SGPP2: variants seen among roughly 807,000 people sequenced by gnomAD.
SGPP2 encodes sphingosine-1-phosphate phosphatase 2.
Under a neutral mutation model 33.9 loss-of-function variants are expected in SGPP2, and 30 were observed. That is an observed-to-expected ratio of 0.89 (90% confidence interval 0.66 to 1.20). The LOEUF (loss-of-function observed/expected upper bound fraction) is 1.20. Among genes scored for constraint, SGPP2 ranks in the 50% most tolerant of loss-of-function variants. SGPP2 has a pLI of 0.00. For synonymous variants in SGPP2, 233 were observed against 225.0 expected (o/e 1.04, Z -0.32); for missense variants, 458 against 532.1 (o/e 0.86, Z 1.37).
intron 1 of SGPP2, among the ~76,000 whole-genome samples, chr2:222,433,789 A>T (rs1477392367): frequency 6.6e-6 from 1 of 152,106 alleles, no homozygotes; most frequent in Non-Finnish European, 1.5e-5. Flanking sequence ...CTTTCTTCTG[A>T]TGGATGCCAT....
chr2:222,450,603 G>A, intron 1 of SGPP2, among the ~76,000 whole-genome samples: 1 of 152,194 alleles, frequency 6.6e-6, no homozygotes. Flanking sequence ...ATTCAGGTGT[G>A]AATCGAATTG....
At chr2:222,440,881 G>A (rs890925564) in intron 1 of SGPP2, among the ~76,000 whole-genome samples, 2 of 51,254 alleles carry the variant, frequency 3.9e-5, no homozygotes, top group African/African-American at 8.3e-5. Context: ...TTTAACCATG[G>A]AACATCTTAA....
chr2:222,490,612 T>C (rs1042316905), intron 2 of SGPP2, among the ~76,000 whole-genome samples: 2 of 82,118 alleles, frequency 2.4e-5, no homozygotes, highest in African/African-American at 5.7e-5. Context: ...TAATTTTTTT[T>C]TTTTTTTTTT....
intron 1 of SGPP2, among the ~76,000 whole-genome samples, chr2:222,445,925 G>A (rs752414293): frequency 6.6e-6 from 1 of 152,198 alleles, no homozygotes; most frequent in African/African-American, 2.4e-5. Flanking sequence ...AAAGGGTTCA[G>A]ATTGTCAGAA....
At chr2:222,444,392 T>C (rs938094915) in intron 1 of SGPP2, among the ~76,000 whole-genome samples, 3 of 152,240 alleles carry the variant, frequency 2.0e-5, no homozygotes, top group Non-Finnish European at 2.9e-5. Flanking sequence ...CAGGTTCTGC[T>C]TCTTTTCATC....
At chr2:222,541,405 A>G (rs1222012620) in intron 4 of SGPP2, among the ~76,000 whole-genome samples, 1 of 152,166 alleles carries the variant, frequency 6.6e-6, no homozygotes, top group East Asian at 1.9e-4. Flanking sequence ...CAGCATAGCC[A>G]GGGAAGGAGA....
chr2:222,435,719 G>A (rs2106061187), intron 1 of SGPP2, among the ~76,000 whole-genome samples: 1 of 152,248 alleles, frequency 6.6e-6, no homozygotes, highest in Non-Finnish European at 1.5e-5. Flanking sequence ...TAAAATGAAG[G>A]TATTTTCTTA....
At chr2:222,524,112 G>A (rs955236265) in intron 3 of SGPP2, among the ~76,000 whole-genome samples, 4 of 152,270 alleles carry the variant, frequency 2.6e-5, no homozygotes, top group African/African-American at 9.6e-5. Flanking sequence ...TTATGATAAA[G>A]TTTATTAATA....
At chr2:222,526,002 G>A (rs965753240) in intron 4 of SGPP2, among the ~76,000 whole-genome samples, 2 of 152,144 alleles carry the variant, frequency 1.3e-5, no homozygotes, top group African/African-American at 4.8e-5. Flanking sequence ...GGGGGTTTAT[G>A]GCTTCCCAAG....
At chr2:222,541,071 C>G (rs1036576667) in intron 4 of SGPP2, among the ~76,000 whole-genome samples, 3 of 152,188 alleles carry the variant, frequency 2.0e-5, no homozygotes, top group Non-Finnish European at 4.4e-5. Flanking sequence ...CCCGCCTCAG[C>G]CTTCCAAAGT....
chr2:222,488,505 C>G (rs1203708330), intron 2 of SGPP2, among the ~76,000 whole-genome samples: 2 of 152,218 alleles, frequency 1.3e-5, no homozygotes, highest in East Asian at 3.8e-4. Flanking sequence ...CATCTTCCCT[C>G]ACCCCTATCT....
chr2:222,527,587 C>T (rs554227120), intron 4 of SGPP2, among the ~76,000 whole-genome samples: 34 of 152,102 alleles, frequency 2.2e-4, no homozygotes, highest in African/African-American at 7.5e-4. Flanking sequence ...GAAGGGGCAC[C>T]GCCCCCTTTT....
rs1689525671 is a variant in SGPP2, at chr2:222,560,930, C to T, written c.*2032C>T. 6.6e-6 allele frequency: 1 copy of T among 151,990 alleles called. No individual in the cohort carries two copies. The highest frequency in any genetic ancestry group is 1.5e-5 in the Non-Finnish European group (1 of 68,044). 9.4% of individuals were successfully genotyped at this position (151,990 alleles called of 1,614,324 possible). A position where few individuals can be genotyped will look rare whatever the true frequency, so the allele number is the denominator to read the frequency against. ...AGACCATCCTGGCTAACACGGTACC[C>T]CGTCTCTACTGAAAATACAAAAAAA... On this transcript the variant is annotated 3_prime_UTR_variant, in exon 5 of 5. Coordinates refer to ENST00000321276, the MANE Select transcript of SGPP2 (RefSeq NM_152386.4).
intron 1 of SGPP2, among the ~76,000 whole-genome samples, chr2:222,436,434 G>A (rs776665354): frequency 2.0e-5 from 3 of 152,102 alleles, no homozygotes; most frequent in Non-Finnish European, 4.4e-5. Flanking sequence ...AGCATACAAG[G>A]CCTTCTGGAG....
chr2:222,488,860 A>G (rs1246127854), intron 2 of SGPP2, among the ~76,000 whole-genome samples: 3 of 152,230 alleles, frequency 2.0e-5, no homozygotes, highest in Non-Finnish European at 4.4e-5. Flanking sequence ...TCCTTTTAAA[A>G]TTAAATTTCT....
At chr2:222,501,123 C>T (rs1442188096) in intron 2 of SGPP2, among the ~76,000 whole-genome samples, 1 of 152,134 alleles carries the variant, frequency 6.6e-6, no homozygotes, top group Non-Finnish European at 1.5e-5. Context: ...CAACCAAAGA[C>T]CCTTAGAACA....
In SGPP2 at chr2:222,556,809, TCAC is replaced by T. The variant is rs1689417685; in HGVS notation, c.649-1537_649-1535del. Reference sequence around the variant, plus strand: ...ACCCTCACTCCTTCCCCATCCACCCTCACTCCTCCCCATCCACCCTCACTCCTC... The same window carrying T: ...ACCCTCACTCCTTCCCCATCCACCCTTCCTCCCCATCCACCCTCACTCCTC... On this transcript the variant is annotated intron_variant, in intron 4 of 4. Coordinates refer to ENST00000321276, the MANE Select transcript of SGPP2 (RefSeq NM_152386.4). 2.3e-3 allele frequency among the ~76,000 whole-genome samples: 11 copies of T among 4,798 alleles called. 5 individuals carry two copies. In the Admixed American group the frequency reaches 0.032, roughly 14 times the overall value. 3.1% of individuals were successfully genotyped at this position (4,798 alleles called of 152,430 possible).
chr2:222,523,468 C>T (rs960678225), intron 3 of SGPP2, among the ~76,000 whole-genome samples: 1 of 152,140 alleles, frequency 6.6e-6, no homozygotes, highest in East Asian at 1.9e-4. Context: ...AAGAGAAAAG[C>T]AGCAAGTGGA....
At chr2:222,424,892 G>T (rs1697037296) in intron 1 of SGPP2, 71 bp downstream of exon 1, 28 of 1,182,244 alleles carry the variant, frequency 2.4e-5, no homozygotes, top group Admixed American at 4.3e-5. Context: ...CTGCGACTCC[G>T]CCACGCGGGG....
Sources: allele counts gnomAD v4.1 joint callset (sites outside exome capture counted in the v4.1 genomes callset), GRCh38; gene constraint gnomAD v4.1.1; transcripts MANE v1.5; gene names NCBI Gene and HGNC (gene_info 2026-07-23, HGNC 2026-07-21).